The following SUPT3H variants were observed in gnomAD, a reference collection of about 807,000 sequenced individuals.
SUPT3H encodes the protein SPT3 homolog, SAGA and STAGA complex component, also known as transcription initiation protein SPT3 homolog.
SUPT3H carries 44 observed loss-of-function variants against 44.3 expected under a neutral mutation model. The observed-to-expected ratio is 0.99, with a 90% CI of 0.78 to 1.28. The LOEUF (loss-of-function observed/expected upper bound fraction) is 1.28, where lower values mean the gene tolerates loss of function less well. Ranked by LOEUF, SUPT3H falls within the 50% of genes most tolerant of loss-of-function variation. The probability of loss-of-function intolerance (pLI) is 0.00; values close to 1 mark genes in which losing one functional copy is unlikely to be tolerated. For synonymous variants in SUPT3H, 124 were observed against 125.6 expected, an observed-to-expected ratio of 0.99 and a Z score of 0.09; for missense variants, 380 against 387.1, an observed-to-expected ratio of 0.98 and a Z score of 0.15.
At chr6:45,144,839 G>GA (rs780969548) in intron 2 of SUPT3H, among the ~76,000 whole-genome samples, 18 of 152,102 alleles carry the variant, frequency 1.2e-4, no homozygotes, top group Non-Finnish European at 2.4e-4. Context: ...GATACAAAAC[G>GA]AATGTACACA....
intron 4 of SUPT3H, 69 bp downstream of exon 4, chr6:45,020,477 A>G: frequency 1.7e-6 from 2 of 1,172,206 alleles, no homozygotes; most frequent in Non-Finnish European, 2.5e-6. Context: ...ACAAGGATAT[A>G]TAGTTTCCAC....
rs35049516 is a variant in SUPT3H at position 45,163,799 on chromosome 6, T to TAA, written c.102-57795_102-57794dup. On this transcript the variant is annotated intron_variant, in intron 2 of 10. Transcript: ENST00000371459. ...GATGCACCACCACTTGTCACTTTTA[T>TAA]AAAAAAAAAAAAAAAGCAAGAGGTC... Among the ~76,000 whole-genome samples, 527 of 138,002 alleles carry TAA rather than the reference T, an allele frequency of 3.8e-3. 4 individuals carry two copies. Among genetic ancestry groups the TAA allele is most frequent in the African/African-American group, 9.0e-3 (338 of 37,512 alleles). 90.5% of individuals were successfully genotyped at this position (138,002 alleles called of 152,430 possible). A position where few individuals can be genotyped will look rare whatever the true frequency, so the allele number is the denominator to read the frequency against.
At chr6:45,078,518 C>T (rs989582429) in intron 3 of SUPT3H, among the ~76,000 whole-genome samples, 2 of 152,146 alleles carry the variant, frequency 1.3e-5, no homozygotes, top group Admixed American at 6.5e-5. Context: ...TATACTTTCA[C>T]ATGTTTTCAT....
intron 2 of SUPT3H, among the ~76,000 whole-genome samples, chr6:45,247,199 T>C (rs1771523678): frequency 6.6e-6 from 1 of 152,156 alleles, no homozygotes; most frequent in Non-Finnish European, 1.5e-5. Context: ...ACTACCAAAA[T>C]TCACTGAAGT....
chr6:45,100,778 TA>T (rs1562459755), intron 3 of SUPT3H, among the ~76,000 whole-genome samples: 1 of 152,042 alleles, frequency 6.6e-6, no homozygotes, highest in Non-Finnish European at 1.5e-5. Flanking sequence ...TAAATTAGTA[TA>T]ACCATTATAG....
intron 3 of SUPT3H, among the ~76,000 whole-genome samples, chr6:45,030,232 G>A (rs1216722783): frequency 2.0e-5 from 3 of 152,176 alleles, no homozygotes; most frequent in Admixed American, 2.0e-4. Flanking sequence ...GGAAATTGAT[G>A]TATTTTTGAA....
At chr6:44,884,452 C>T (rs915556956) in intron 10 of SUPT3H, among the ~76,000 whole-genome samples, 2 of 152,122 alleles carry the variant, frequency 1.3e-5, no homozygotes, top group African/African-American at 4.8e-5. Flanking sequence ...GTGGCGATTC[C>T]TCCAGGATCT....
intron 10 of SUPT3H, among the ~76,000 whole-genome samples, chr6:44,930,554 G>C (rs193060671): frequency 1.6e-4 from 18 of 115,768 alleles, no homozygotes; most frequent in African/African-American, 5.0e-4. Context: ...AACAGAGTGA[G>C]ACTCCGTCTC....
intron 3 of SUPT3H, among the ~76,000 whole-genome samples, chr6:45,079,352 A>G (rs1387403396): frequency 6.6e-6 from 1 of 151,928 alleles, no homozygotes; most frequent in East Asian, 1.9e-4. Flanking sequence ...AAGGAAGAAA[A>G]AGAAAGAAGA....
intron 2 of SUPT3H, among the ~76,000 whole-genome samples, chr6:45,219,256 AT>A (rs1765592373): frequency 6.6e-6 from 1 of 152,114 alleles, no homozygotes; most frequent in Non-Finnish European, 1.5e-5. Flanking sequence ...AAGACACAGA[AT>A]TTAAAGTAGG....
chr6:45,177,442 A>C (rs9463073), intron 2 of SUPT3H, among the ~76,000 whole-genome samples: 17,631 of 152,208 alleles, frequency 0.12, 1,167 homozygotes, highest in African/African-American at 0.18. Flanking sequence ...TCTACGTCTG[A>C]TTGGTGTACT....
intron 1 of SUPT3H, among the ~76,000 whole-genome samples, chr6:45,367,488 G>C (rs1038701746): frequency 1.3e-5 from 2 of 151,980 alleles, no homozygotes; most frequent in Non-Finnish European, 2.9e-5. Context: ...CCAAGACTGG[G>C]GGAAAACAGG....
Position 45,197,736 on chromosome 6 carries a change from A to G in SUPT3H, c.102-91730T>C, listed in dbSNP as rs73735310. On this transcript the variant is annotated intron_variant, in intron 2 of 10. Coordinates refer to ENST00000371459, the MANE Select transcript of SUPT3H (RefSeq NM_003599.4). Reference sequence around the variant, plus strand: ...ATTTTTAGGGCCCACATGTATTGGGACCTAAAAATACAATGCATAATGGTT... The same window carrying G: ...ATTTTTAGGGCCCACATGTATTGGGGCCTAAAAATACAATGCATAATGGTT... 5.1e-3 allele frequency: 1,087 copies of G among 212,346 alleles called. 17 individuals carry two copies. The highest frequency in any genetic ancestry group is 0.025 in the African/African-American group (1,032 of 41,768). 13.2% of individuals were successfully genotyped at this position (212,346 alleles called of 1,614,324 possible). A position where few individuals can be genotyped will look rare whatever the true frequency, so the allele number is the denominator to read the frequency against.
intron 10 of SUPT3H, among the ~76,000 whole-genome samples, chr6:44,882,636 A>G (rs549509809): frequency 2.2e-4 from 33 of 152,308 alleles, no homozygotes; most frequent in African/African-American, 7.0e-4. Context: ...AAAATCCTCA[A>G]TAAAATACTG....
At chr6:44,853,231 T>C (rs1411932463) in intron 10 of SUPT3H, among the ~76,000 whole-genome samples, 1 of 152,178 alleles carries the variant, frequency 6.6e-6, no homozygotes, top group African/African-American at 2.4e-5. Context: ...AGTCACACAG[T>C]TGCTAAGTGG....
intron 2 of SUPT3H, among the ~76,000 whole-genome samples, chr6:45,194,798 C>A (rs1815740104): frequency 6.6e-6 from 1 of 152,030 alleles, no homozygotes; most frequent in South Asian, 2.1e-4. Context: ...TCATTTAAAT[C>A]AATACAATTT....
intron 10 of SUPT3H, among the ~76,000 whole-genome samples, chr6:44,897,784 C>A (rs1764330373): frequency 6.6e-6 from 1 of 152,100 alleles, no homozygotes; most frequent in African/African-American, 2.4e-5. Context: ...TTCTCATATC[C>A]CCCAGTTAAG....
At chr6:44,913,348 G>GA (rs1286196783) in intron 10 of SUPT3H, among the ~76,000 whole-genome samples, 1 of 152,164 alleles carries the variant, frequency 6.6e-6, no homozygotes, top group Non-Finnish European at 1.5e-5. Flanking sequence ...AACAAAAAAA[G>GA]ATGAATTCTC....
chr6:45,313,491 C>T (rs886450427), intron 2 of SUPT3H, among the ~76,000 whole-genome samples: 1 of 151,900 alleles, frequency 6.6e-6, no homozygotes, highest in Non-Finnish European at 1.5e-5. Context: ...TACAAAAGAT[C>T]ATTCGAGACT....
Sources: allele counts gnomAD v4.1 joint callset (sites outside exome capture counted in the v4.1 genomes callset), GRCh38; gene constraint gnomAD v4.1.1; transcripts MANE v1.5; gene names NCBI Gene and HGNC (gene_info 2026-07-23, HGNC 2026-07-21).